THSD4: variants seen among roughly 807,000 people sequenced by gnomAD.
THSD4 encodes the protein thrombospondin type-1 domain-containing protein 4.
A neutral mutation model predicts 119.0 loss-of-function variants in THSD4; 69 were observed. The observed-to-expected ratio is 0.58, with a 90% confidence interval of 0.48 to 0.71. The LOEUF is 0.71. Among genes scored for constraint, THSD4 ranks in the 30% least tolerant of loss-of-function variants. THSD4 has a pLI of 0.00. For synonymous variants in THSD4, 524 were observed against 540.4 expected (o/e 0.97, Z 0.42); for missense variants, 1,393 against 1,391.1 (o/e 1.00, Z -0.02).
intron 7 of THSD4, among the ~76,000 whole-genome samples, chr15:71,605,307 G>A (rs904240305): frequency 7.2e-5 from 11 of 152,164 alleles, no homozygotes; most frequent in South Asian, 2.1e-4. Flanking sequence ...TTATCAAAAC[G>A]TCCTGGTTTG....
rs1234140764 is a variant in THSD4, at chr15:71,421,046, T to A, written c.1152+9223T>A. ...ACTTGGTTGTGGTGACATGCACCTATAATTCTAGCTACTCAGGCATGAAAA... is the reference window on the plus strand; with the variant it reads ...ACTTGGTTGTGGTGACATGCACCTAAAATTCTAGCTACTCAGGCATGAAAA... On this transcript the variant is annotated intron_variant, in intron 7 of 17. Coordinates refer to ENST00000261862, the MANE Select transcript of THSD4 (RefSeq NM_024817.3). Among the ~76,000 whole-genome samples the A allele has an allele frequency of 4.1e-5, 4 of 97,618 alleles. 2 individuals carry two copies. The highest frequency in any genetic ancestry group is 8.7e-5 in the Non-Finnish European group (4 of 46,202). The allele number at this position is 97,618 out of a possible 152,430, so 64.0% of individuals were successfully genotyped here.
chr15:71,570,205 G>A (rs1395529666), intron 7 of THSD4, among the ~76,000 whole-genome samples: 2 of 152,178 alleles, frequency 1.3e-5, no homozygotes, highest in African/African-American at 2.4e-5. Context: ...AGAACACCAT[G>A]CATCAGGTAA....
intron 7 of THSD4, among the ~76,000 whole-genome samples, chr15:71,469,358 C>G: frequency 6.6e-6 from 1 of 152,210 alleles, no homozygotes; most frequent in East Asian, 1.9e-4. Context: ...TTGTAGTTGA[C>G]TTAACATTAC....
At chr15:71,330,679 C>G (rs1346645307) in intron 6 of THSD4, among the ~76,000 whole-genome samples, 1 of 152,174 alleles carries the variant, frequency 6.6e-6, no homozygotes, top group Non-Finnish European at 1.5e-5. Flanking sequence ...TCCTTCCTGC[C>G]CCTCTCAATT....
At chr15:71,435,747 T>TG (rs1004768481) in intron 7 of THSD4, among the ~76,000 whole-genome samples, 1 of 152,140 alleles carries the variant, frequency 6.6e-6, no homozygotes, top group African/African-American at 2.4e-5. Context: ...CGTGGCCACA[T>TG]GGGGGTGCCT....
intron 6 of THSD4, among the ~76,000 whole-genome samples, chr15:71,297,228 CTTCTT>C (rs2140332131): frequency 6.6e-6 from 1 of 151,272 alleles, no homozygotes; most frequent in South Asian, 2.1e-4. Flanking sequence ...TGATGTTGAG[CTTCTT>C]TTCATGTTTT....
chr15:71,475,135 A>G (rs182542075), intron 7 of THSD4, among the ~76,000 whole-genome samples: 27 of 152,306 alleles, frequency 1.8e-4, no homozygotes, highest in Admixed American at 1.1e-3. Context: ...GCCCTAACCT[A>G]TAACTTTACT....
intron 6 of THSD4, among the ~76,000 whole-genome samples, chr15:71,386,059 C>T (rs115681525): frequency 8.1e-4 from 124 of 152,306 alleles, no homozygotes; most frequent in African/African-American, 2.9e-3. Context: ...TTCTCTGTCT[C>T]ATAGGCACCA....
At position 71,711,862 on chromosome 15, in the gene THSD4, T is replaced by C. The variant is rs187796273; in HGVS notation, c.1358-16687T>C. ...ATTAACCAAGAAAACATAACAGCCA[T>C]AAAGGTATATGCATCTAAACAGCAA... On this transcript the variant is annotated intron_variant, in intron 8 of 17. Coordinates refer to ENST00000261862, the MANE Select transcript of THSD4 (RefSeq NM_024817.3). 1.9e-3 allele frequency among the ~76,000 whole-genome samples: 288 copies of C among 152,094 alleles called. 1 individual carries two copies. The highest frequency in any genetic ancestry group is 6.5e-3 in the African/African-American group (271 of 41,528).
intron 12 of THSD4, among the ~76,000 whole-genome samples, chr15:71,745,485 G>A (rs991066886): frequency 1.3e-5 from 2 of 152,146 alleles, no homozygotes; most frequent in African/African-American, 4.8e-5. Context: ...AATTAGGTTT[G>A]AGCCTGGTAA....
rs1442004500 is a variant in THSD4 at position 71,233,984 on chromosome 15, C to T, written c.465-8665C>T. On this transcript the variant is annotated intron_variant, in intron 4 of 17. Transcript: ENST00000261862. ...AGGCTTGGCAAAGGAAGCAAGCTGTCGGCTGTGCTTCAAGCTGTTGGCCAC... is the reference window on the plus strand; with the variant it reads ...AGGCTTGGCAAAGGAAGCAAGCTGTTGGCTGTGCTTCAAGCTGTTGGCCAC... Among the ~76,000 whole-genome samples, 8 of 152,180 alleles carry T rather than the reference C, an allele frequency of 5.3e-5. No individual in the cohort carries two copies. The East Asian group carries it at 5.8e-4, about 11-fold the overall frequency.
At chr15:71,429,667 G>T (rs774231818) in intron 7 of THSD4, among the ~76,000 whole-genome samples, 1 of 152,182 alleles carries the variant, frequency 6.6e-6, no homozygotes, top group African/African-American at 2.4e-5. Context: ...GCACATCAAA[G>T]TGCCACATTT....
At position 71,737,779 on chromosome 15, in the gene THSD4, G is replaced by A; in HGVS notation, c.1678G>A (p.Glu560Lys). The A allele has an allele frequency of 1.2e-6, 2 of 1,614,104 alleles. No individual in the cohort carries two copies. The highest frequency in any genetic ancestry group is 2.2e-5 in the South Asian group (2 of 91,056). The change falls in exon 11 of 18, where the codon GAG (glutamate) becomes AAG (lysine). Residue 560 changes from glutamate to lysine, a missense_variant. Glu to Lys is a moderately conservative substitution (Grantham distance 56, BLOSUM62 1). Coordinates refer to ENST00000261862, the MANE Select transcript of THSD4 (RefSeq NM_024817.3). ...GGTGACAGAAGGCAGGAGCCAGGAG[G>A]AGGGAGAACAGAAAGGGAGGAACGA... is the stretch of plus-strand genomic sequence containing the variant. ...QMVTEGRSQEEGEQKGRNEEK... is the reference protein window; with the variant it reads ...QMVTEGRSQEKGEQKGRNEEK...
intron 1 of THSD4, among the ~76,000 whole-genome samples, chr15:71,125,998 T>C (rs1213165750): frequency 6.6e-6 from 1 of 152,210 alleles, no homozygotes; most frequent in Admixed American, 6.5e-5. Context: ...AGATCTTTCA[T>C]TATTCTGTTG....
chr15:71,344,526 G>T (rs774978268), intron 6 of THSD4, among the ~76,000 whole-genome samples: 8 of 152,152 alleles, frequency 5.3e-5, no homozygotes, highest in Non-Finnish European at 1.0e-4. Flanking sequence ...GAGCATACAT[G>T]CAGGGGGCTG....
intron 8 of THSD4, among the ~76,000 whole-genome samples, chr15:71,666,909 T>G (rs1356271097): frequency 1.3e-5 from 2 of 152,216 alleles, no homozygotes; most frequent in Non-Finnish European, 2.9e-5. Flanking sequence ...CCATAACTCC[T>G]AGGAGGAGTG....
At chr15:71,736,686 TTCTCTCTCTCTC>T (rs2141149491) in intron 10 of THSD4, among the ~76,000 whole-genome samples, 1 of 152,052 alleles carries the variant, frequency 6.6e-6, no homozygotes, top group Admixed American at 6.6e-5. Flanking sequence ...CTCTCTCTCT[TTCTCTCTCTCTC>T]AAAATGTGCC....
At chr15:71,703,959 T>C (rs1033957491) in intron 8 of THSD4, among the ~76,000 whole-genome samples, 3 of 152,128 alleles carry the variant, frequency 2.0e-5, no homozygotes, top group Non-Finnish European at 4.4e-5. Context: ...ACGCCATTCT[T>C]CTGCCTCAGC....
chr15:71,563,215 C>A (rs952345077), intron 7 of THSD4, among the ~76,000 whole-genome samples: 11 of 152,088 alleles, frequency 7.2e-5, no homozygotes, highest in Non-Finnish European at 4.4e-5. Flanking sequence ...CACACTGGAG[C>A]AGAAAAGCTG....
Sources: gnomAD v4.1 joint callset for allele counts (sites outside exome capture counted in the v4.1 genomes callset) on GRCh38, gnomAD v4.1.1 for gene constraint, MANE v1.5 for transcripts, NCBI Gene and HGNC (gene_info 2026-07-23, HGNC 2026-07-21) for gene names.